Variants in C1orf21 observed in about 807,000 individuals in gnomAD.
C1orf21 encodes the protein uncharacterized protein C1orf21.
C1orf21 carries 3 observed loss-of-function variants against 18.7 expected under a neutral mutation model. The ratio of observed to expected loss-of-function variants is 0.16; its 90% CI spans 0.07 to 0.42. The LOEUF (loss-of-function observed/expected upper bound fraction) is 0.42. Among genes scored for constraint, C1orf21 ranks in the 10% least tolerant of loss-of-function variants. The pLI is 0.99. For missense variants in C1orf21, 104 were observed against 143.6 expected (o/e 0.72, Z 1.41); for synonymous variants, 41 against 46.4 (o/e 0.88, Z 0.47).
At chr1:184,479,076 T>TG (rs1657614705) in intron 2 of C1orf21, among the ~76,000 whole-genome samples, 2 of 152,220 alleles carry the variant, frequency 1.3e-5, no homozygotes, top group Admixed American at 1.3e-4. Context: ...AGAAAACTGT[T>TG]GCATTTTGTT....
intron 3 of C1orf21, among the ~76,000 whole-genome samples, chr1:184,521,943 G>A (rs964757608): frequency 1.3e-5 from 2 of 152,106 alleles, no homozygotes; most frequent in African/African-American, 2.4e-5. Flanking sequence ...CCATACATAA[G>A]CACTGTACTA....
At chr1:184,409,144 G>C (rs1389674417) in intron 1 of C1orf21, among the ~76,000 whole-genome samples, 1 of 152,144 alleles carries the variant, frequency 6.6e-6, no homozygotes, top group Non-Finnish European at 1.5e-5. Context: ...GTTTTCTAGT[G>C]CTGGGATGAC....
intron 3 of C1orf21, among the ~76,000 whole-genome samples, chr1:184,519,465 T>C (rs1658275202): frequency 6.6e-6 from 1 of 152,230 alleles, no homozygotes; most frequent in Admixed American, 6.5e-5. Flanking sequence ...TCATTTTAGA[T>C]AGTGGATTTA....
intron 3 of C1orf21, among the ~76,000 whole-genome samples, chr1:184,543,089 G>A (rs956928916): frequency 9.2e-5 from 14 of 152,118 alleles, no homozygotes; most frequent in Non-Finnish European, 4.4e-5. Context: ...CTGGCTCAAC[G>A]CCTGTAATCC....
At chr1:184,551,353 C>T (rs1201328274) in intron 3 of C1orf21, among the ~76,000 whole-genome samples, 2 of 152,042 alleles carry the variant, frequency 1.3e-5, no homozygotes, top group Non-Finnish European at 2.9e-5. Context: ...GGAAAGAATT[C>T]TTTGTCATGT....
At chr1:184,501,422 A>G (rs1442299193) in intron 2 of C1orf21, among the ~76,000 whole-genome samples, 1 of 152,158 alleles carries the variant, frequency 6.6e-6, no homozygotes, top group Non-Finnish European at 1.5e-5. Context: ...TTAGGACTCC[A>G]CTGAGATATA....
intron 3 of C1orf21, among the ~76,000 whole-genome samples, chr1:184,565,985 A>G (rs1251661810): frequency 6.6e-6 from 1 of 152,166 alleles, no homozygotes; most frequent in Admixed American, 6.5e-5. Context: ...AAGAGATAAT[A>G]TATTAAAAGG....
intron 3 of C1orf21, among the ~76,000 whole-genome samples, chr1:184,553,074 C>T (rs1183881348): frequency 1.3e-5 from 2 of 152,116 alleles, no homozygotes; most frequent in East Asian, 3.8e-4. Flanking sequence ...GTCTGCTGTG[C>T]ATGTCTACAG....
intron 5 of C1orf21, among the ~76,000 whole-genome samples, chr1:184,616,587 G>T (rs1336550756): frequency 6.6e-6 from 1 of 152,174 alleles, no homozygotes; most frequent in Non-Finnish European, 1.5e-5. Context: ...GTTTGAAATG[G>T]TCCTTCTACT....
At chr1:184,500,946 C>T (rs926115543) in intron 2 of C1orf21, among the ~76,000 whole-genome samples, 2 of 152,216 alleles carry the variant, frequency 1.3e-5, no homozygotes, top group African/African-American at 4.8e-5. Context: ...CTTGCTGTGA[C>T]TTCTCTGGCT....
intron 3 of C1orf21, among the ~76,000 whole-genome samples, chr1:184,561,177 C>T (rs990721590): frequency 6.6e-6 from 1 of 152,144 alleles, no homozygotes; most frequent in Non-Finnish European, 1.5e-5. Flanking sequence ...CCTAAGCCTG[C>T]CAGTGCCACA....
At chr1:184,503,278 A>G (rs919667867) in intron 2 of C1orf21, among the ~76,000 whole-genome samples, 14 of 152,074 alleles carry the variant, frequency 9.2e-5, no homozygotes, top group African/African-American at 3.4e-4. Context: ...TGACTAAATC[A>G]CTTTCTACTA....
intron 1 of C1orf21, among the ~76,000 whole-genome samples, chr1:184,403,538 G>A (rs1656197650): frequency 6.6e-6 from 1 of 152,128 alleles, no homozygotes; most frequent in Non-Finnish European, 1.5e-5. Context: ...AGGTGCTTGT[G>A]ATGTTCTGTA....
intron 1 of C1orf21, among the ~76,000 whole-genome samples, chr1:184,417,749 C>G (rs1656477317): frequency 1.3e-5 from 2 of 152,218 alleles, no homozygotes; most frequent in African/African-American, 4.8e-5. Context: ...CCCGCTTTCT[C>G]TAGTCACTGA....
chr1:184,482,481 T>G (rs1454103889), intron 2 of C1orf21, among the ~76,000 whole-genome samples: 5 of 152,228 alleles, frequency 3.3e-5, no homozygotes, highest in Non-Finnish European at 7.3e-5. Context: ...GGAGCCGTCT[T>G]TGGAGACCAA....
intron 3 of C1orf21, among the ~76,000 whole-genome samples, chr1:184,523,824 CTTTAA>C (rs1658340292): frequency 2.6e-5 from 4 of 152,162 alleles, no homozygotes; most frequent in Admixed American, 2.6e-4. Context: ...TTAACTAATA[CTTTAA>C]TGAACAGTGT....
intron 3 of C1orf21, among the ~76,000 whole-genome samples, chr1:184,544,594 T>C (rs1448030781): frequency 1.3e-5 from 2 of 152,232 alleles, no homozygotes; most frequent in Non-Finnish European, 2.9e-5. Context: ...ACCATTGATC[T>C]ACGTAGTCTA....
intron 5 of C1orf21, among the ~76,000 whole-genome samples, 163 bp from the exon 6 acceptor site, chr1:184,619,355 A>G (rs1237024532): frequency 6.6e-6 from 1 of 152,228 alleles, no homozygotes; most frequent in African/African-American, 2.4e-5. Context: ...AAATTGGCTA[A>G]CATGTATTTA....
At position 184,621,006 on chromosome 1, in the gene C1orf21, T is replaced by C. The variant is rs1659907897; in HGVS notation, c.*1450T>C. 6.6e-6 allele frequency: 1 copy of C among 152,608 alleles called. No individual in the cohort carries two copies. The highest frequency in any genetic ancestry group is 1.5e-5 in the Non-Finnish European group (1 of 68,054). 9.5% of individuals were successfully genotyped at this position (152,608 alleles called of 1,614,324 possible). On this transcript the variant is annotated 3_prime_UTR_variant, in exon 6 of 6. Transcript: ENST00000235307. ...GTCCCACAAAATCACAGGAGCACTG[T>C]ATGTTCCTCTCTTTTGGAGTTGTGA... is the stretch of plus-strand genomic sequence containing the variant.
Sources: allele counts gnomAD v4.1 joint callset (sites outside exome capture counted in the v4.1 genomes callset), GRCh38; gene constraint gnomAD v4.1.1; transcripts MANE v1.5; gene names NCBI Gene and HGNC (gene_info 2026-07-23, HGNC 2026-07-21).